Variants in CCDC154 observed in about 807,000 individuals in gnomAD.
CCDC154 encodes the protein coiled-coil domain-containing protein 154.
A neutral mutation model predicts 87.5 loss-of-function variants in CCDC154; 91 were observed. The ratio of observed to expected loss-of-function variants is 1.04; its 90% confidence interval spans 0.88 to 1.24. The LOEUF (loss-of-function observed/expected upper bound fraction) is 1.24, where lower values mean the gene tolerates loss of function less well. Ranked by LOEUF, CCDC154 falls within the 50% of genes most tolerant of loss-of-function variation. CCDC154 has a pLI of 0.00. For synonymous variants in CCDC154, 418 were observed against 400.4 expected (o/e 1.04, Z -0.52); for missense variants, 903 against 879.2 (o/e 1.03, Z -0.34).
chr16:1,444,248 C>A, intron 1 of CCDC154, 68 bp downstream of exon 1: 1 of 1,277,808 alleles, frequency 7.8e-7, no homozygotes, highest in Non-Finnish European at 1.0e-6. Context: ...GGGTCAGAAG[C>A]AGAGCGGTCC....
chr16:1,443,337 A>C (rs1414102924), intron 3 of CCDC154, 36 bp from the exon 4 acceptor site: 14 of 1,537,678 alleles, frequency 9.1e-6, no homozygotes, highest in Non-Finnish European at 1.1e-5. Context: ...GGCTGGACCT[A>C]GGCCCGGGTC....
chr16:1,438,181 G>A lies in CCDC154; in HGVS notation c.1026-5C>T. 1 of 1,534,566 alleles carries A rather than the reference G, an allele frequency of 6.5e-7. No homozygotes were observed. The highest frequency in any genetic ancestry group is 8.8e-7 in the Non-Finnish European group (1 of 1,138,958). Reference sequence around the variant, plus strand: ...TCCAAGCGCCCCTTGGCGTCCCTAGGGGTTGGGGACACATAGACACCCTCA... The same window carrying A: ...TCCAAGCGCCCCTTGGCGTCCCTAGAGGTTGGGGACACATAGACACCCTCA... On this transcript the variant is annotated splice_region_variant and splice_polypyrimidine_tract_variant and intron_variant, in intron 9 of 16. Transcript: ENST00000389176.
chr16:1,440,943 T>G lies in CCDC154; in HGVS notation c.675+1463A>C, dbSNP rs142265077. Among the ~76,000 whole-genome samples the G allele has an allele frequency of 7.0e-3, 944 of 134,822 alleles. 6 individuals carry two copies. Among genetic ancestry groups the G allele is most frequent in the African/African-American group, 0.025 (863 of 34,936 alleles). The allele number at this position is 134,822 out of a possible 152,430, so 88.4% of individuals were successfully genotyped here. ...TCCAGCCCAGGCAACAGAGGGAGAC[T>G]CCGTCTTAAAAAAAAAAAAAAAAAA... On this transcript the variant is annotated intron_variant, in intron 6 of 16. Transcript: ENST00000389176.
In CCDC154 at chr16:1,438,711, C is replaced by G; in HGVS notation, c.933G>C (p.Gln311His). The G allele has an allele frequency of 6.5e-7, 1 of 1,550,014 alleles. No homozygotes were observed. Among genetic ancestry groups the G allele is most frequent in the African/African-American group, 1.4e-5 (1 of 73,164 alleles). The change falls in exon 9 of 17, where the codon CAG becomes CAC. Residue 311 changes from glutamine to histidine, a missense_variant. Transcript: ENST00000389176. The stretch of plus-strand genomic sequence containing the variant: ...GCTGGGCCACGGCAGCATCCAGGCC[C>G]TGGCACTGCTCCAGGAGGTGGCTCT... Reference protein sequence around the residue: ...HEESHLLEQCQGLDAAVAQLT... With the variant: ...HEESHLLEQCHGLDAAVAQLT...
Position 1,437,835 on chromosome 16 carries a change from C to T in CCDC154, c.1272G>A (p.Leu424=), listed in dbSNP as rs2038515459. 2 of 1,537,122 alleles carry T rather than the reference C, an allele frequency of 1.3e-6. No homozygotes were observed. The highest frequency in any genetic ancestry group is 1.7e-6 in the Non-Finnish European group (2 of 1,144,864). ...GGCGCACCTCGGACAGCCTGAGGCC[C>T]AGCATCTGCTCCTGCAGATCGAGCC... is the stretch of plus-strand genomic sequence containing the variant. ...SSRLDLQEQM[L]GLRLSEAKTE... is the part of the protein sequence containing the mutation. Residue 424 remains leucine, a synonymous_variant, in exon 11 of 17, where the codon CTG becomes CTA. Transcript: ENST00000389176.
At position 1,442,398 on chromosome 16, in the gene CCDC154, G is replaced by A. The variant is rs952152767; in HGVS notation, c.675+8C>T. On this transcript the variant is annotated splice_region_variant and intron_variant, in intron 6 of 16. Coordinates refer to ENST00000389176, the MANE Select transcript of CCDC154 (RefSeq NM_001143980.3). Reference sequence around the variant, plus strand: ...GGCGGCCCCCCTGAAGCCTGGGCCTGGTGGTACCTGCATTCTGGCCACCTC... The same window carrying A: ...GGCGGCCCCCCTGAAGCCTGGGCCTAGTGGTACCTGCATTCTGGCCACCTC... 18 of 1,544,920 alleles carry A rather than the reference G, an allele frequency of 1.2e-5. No individual in the cohort carries two copies. In the African/African-American group the frequency reaches 2.3e-4, roughly 20 times the overall value.
rs928802346 is a variant in CCDC154 at position 1,440,467 on chromosome 16, G to GGAAGA, written c.676-1346_676-1342dup. ...TCCATCTCAGAAAAGAAAAGAGAAGGGAAGAGAAGAGAAGAGAAGAGAACA... is the reference window on the plus strand; with the variant it reads ...TCCATCTCAGAAAAGAAAAGAGAAGGGAAGAGAAGAGAAGAGAAGAGAAGAGAACA... On this transcript the variant is annotated intron_variant, in intron 6 of 16. Transcript: ENST00000389176. Among the ~76,000 whole-genome samples, 598 of 148,668 alleles carry GGAAGA rather than the reference G, an allele frequency of 4.0e-3. 3 individuals carry two copies. Among genetic ancestry groups the GGAAGA allele is most frequent in the African/African-American group, 0.011 (460 of 40,032 alleles).
chr16:1,438,576 G>A (rs751186365), intron 9 of CCDC154, 43 bp downstream of exon 9: 2 of 1,516,034 alleles, frequency 1.3e-6, no homozygotes, highest in Non-Finnish European at 1.8e-6. Flanking sequence ...GGGACATCAG[G>A]GGTCCCCCCG....
chr16:1,435,158 C>T lies in CCDC154; in HGVS notation c.1623G>A (p.Met541Ile). Residue 541 changes from methionine to isoleucine, a missense_variant, in exon 15 of 17, where the codon ATG (methionine) becomes ATA (isoleucine). Transcript: ENST00000389176. ...GKLATFQNQI[M>I]KLENCVQANK... is the part of the protein sequence containing the mutation. ...TGGCCTGGACGCAGTTTTCCAGCTT[C>T]ATTATTTGGTTCTGAAACTAAACAT... The T allele has an allele frequency of 6.4e-7, 1 of 1,550,588 alleles. No individual in the cohort carries two copies. The highest frequency in any genetic ancestry group is 8.7e-7 in the Non-Finnish European group (1 of 1,146,880).
Position 1,443,652 on chromosome 16 carries a change from T to C in CCDC154, c.268A>G (p.Lys90Glu), listed in dbSNP as rs2038579570. The C allele has an allele frequency of 9.8e-6, 13 of 1,329,926 alleles. No individual in the cohort carries two copies. Among genetic ancestry groups the C allele is most frequent in the Non-Finnish European group, 1.3e-5 (13 of 1,023,056 alleles). 82.4% of individuals were successfully genotyped at this position (1,329,926 alleles called of 1,614,324 possible). A position where few individuals can be genotyped will look rare whatever the true frequency, so the allele number is the denominator to read the frequency against. ...QAEVACLREH[K>E]QRCERATRSL... ...CGCGTGGCGCGCTCACAGCGCTGCT[T>C]GTGCTCCCGCAGGCAGGCCACCTCG... The change falls in exon 3 of 17, where the codon AAG becomes GAG. Residue 90 changes from lysine to glutamate, a missense_variant. Transcript: ENST00000389176.
Position 1,434,802 on chromosome 16 carries a change from A to G in CCDC154, c.1743T>C (p.Ser581=). 6.5e-7 allele frequency: 1 copy of G among 1,537,742 alleles called. No individual in the cohort carries two copies. The highest frequency in any genetic ancestry group is 8.7e-7 in the Non-Finnish European group (1 of 1,145,092). Residue 581 remains serine, a synonymous_variant, in exon 16 of 17, where the codon AGT becomes AGC. Transcript: ENST00000389176. ...TLWESVLRLW[S]EEGPRTPLGS... ...CCAGCGGCGTCCGCGGGCCCTCCTC[A>G]CTCCACAGCCGGAGCACACTCTCCC...
intron 16 of CCDC154, 36 bp downstream of exon 16, chr16:1,434,632 G>A (rs2038483045): frequency 6.9e-7 from 1 of 1,456,418 alleles, no homozygotes; most frequent in African/African-American, 1.5e-5. Flanking sequence ...CCGGCCCAAA[G>A]GCCCAGGAGG....
At chr16:1,434,588 C>G in intron 16 of CCDC154, 54 bp from the exon 17 acceptor site, 2 of 1,521,778 alleles carry the variant, frequency 1.3e-6, no homozygotes, top group Non-Finnish European at 1.8e-6. Flanking sequence ...CCCCCATGGC[C>G]CACCTGCTGC....
At chr16:1,442,281 A>G (rs771685693) in intron 6 of CCDC154, 125 bp downstream of exon 6, 22 of 1,124,434 alleles carry the variant, frequency 2.0e-5, no homozygotes, top group Non-Finnish European at 2.4e-5. Flanking sequence ...CTACAACTAT[A>G]GCTGATTTCA....
chr16:1,440,746 C>T (rs1221806402), intron 6 of CCDC154, among the ~76,000 whole-genome samples: 1 of 151,808 alleles, frequency 6.6e-6, no homozygotes, highest in African/African-American at 2.4e-5. Flanking sequence ...GTCAGGAGAT[C>T]GAGACCATCC....
intron 1 of CCDC154, 99 bp from the exon 2 acceptor site, chr16:1,444,111 A>T: frequency 9.3e-7 from 1 of 1,070,252 alleles, no homozygotes; most frequent in Non-Finnish European, 1.2e-6. Context: ...CTCGCCCACC[A>T]CCCAGAGCTC....
At chr16:1,436,374 C>A in intron 13 of CCDC154, 71 bp downstream of exon 13, 1 of 1,274,568 alleles carries the variant, frequency 7.8e-7, no homozygotes. Context: ...TGGAGAGTAG[C>A]GTGGGGACCG....
chr16:1,436,351 T>A lies in CCDC154; in HGVS notation c.1487+94A>T. On this transcript the variant is annotated intron_variant, in intron 13 of 16. Coordinates refer to ENST00000389176, the MANE Select transcript of CCDC154 (RefSeq NM_001143980.3). ...CTCAGGGGGAACAGGTCTGTCACGA[T>A]ACCAGGGGATTGTGGAGAGTAGCGT... 8.8e-7 allele frequency: 1 copy of A among 1,137,266 alleles called. No homozygotes were observed. Among genetic ancestry groups the A allele is most frequent in the Non-Finnish European group, 1.3e-6 (1 of 785,020 alleles). The allele number at this position is 1,137,266 out of a possible 1,614,324, so 70.4% of individuals were successfully genotyped here. A position where few individuals can be genotyped will look rare whatever the true frequency, so the allele number is the denominator to read the frequency against.
Position 1,436,092 on chromosome 16 carries a change from G to A in CCDC154, c.1488-6C>T, listed in dbSNP as rs1273516057. Reference sequence around the variant, plus strand: ...GGGCCCCAACCTTGAACTCCCTATGGGCACCAGAGGCCGAGGCTGGCTGTC... The same window carrying A: ...GGGCCCCAACCTTGAACTCCCTATGAGCACCAGAGGCCGAGGCTGGCTGTC... On this transcript the variant is annotated splice_polypyrimidine_tract_variant and splice_region_variant and intron_variant, in intron 13 of 16. Transcript: ENST00000389176. 5.2e-6 allele frequency: 8 copies of A among 1,548,676 alleles called. No individual in the cohort carries two copies. The highest frequency in any genetic ancestry group is 3.9e-5 in the Admixed American group (2 of 50,958).
Sources: gnomAD v4.1 joint callset for allele counts (sites outside exome capture counted in the v4.1 genomes callset) on GRCh38, gnomAD v4.1.1 for gene constraint, MANE v1.5 for transcripts, NCBI Gene and HGNC (gene_info 2026-07-23, HGNC 2026-07-21) for gene names.